Variants in AKAP7 observed in about 807,000 individuals in gnomAD.
AKAP7 encodes A-kinase anchoring protein 7.
Under a neutral mutation model 39.5 loss-of-function variants are expected in AKAP7, and 39 were observed. The ratio of observed to expected loss-of-function variants is 0.99; its 90% CI spans 0.76 to 1.29. AKAP7 has a LOEUF of 1.29. AKAP7 is among the 50% of genes most tolerant of loss of function. AKAP7 has a pLI of 0.00. For synonymous variants in AKAP7, 140 were observed against 139.1 expected, an observed-to-expected ratio of 1.01 and a Z score of -0.05; for missense variants, 414 against 407.7, an observed-to-expected ratio of 1.02 and a Z score of -0.13.
intron 6 of AKAP7, among the ~76,000 whole-genome samples, chr6:131,216,937 C>G (rs979613066): frequency 3.3e-5 from 5 of 152,198 alleles, no homozygotes; most frequent in Non-Finnish European, 7.3e-5. Context: ...ACATATTTTT[C>G]TTCTACATGT....
rs9492867 is a variant in AKAP7 at position 131,218,909 on chromosome 6, T to C, written c.703-752T>C. Among the ~76,000 whole-genome samples the C allele has an allele frequency of 8.2e-3, 1,245 of 152,312 alleles. 14 individuals carry two copies. Among genetic ancestry groups the C allele is most frequent in the African/African-American group, 0.026 (1,093 of 41,560 alleles). ...TTAGGGCATTTTTTCCACTATAAAA[T>C]GTTAAGATCCAACTTACTTTTTAAA... On this transcript the variant is annotated intron_variant, in intron 6 of 7. Coordinates refer to ENST00000431975, the MANE Select transcript of AKAP7 (RefSeq NM_016377.4).
chr6:131,154,575 G>A (rs1480141908), intron 2 of AKAP7, among the ~76,000 whole-genome samples: 1 of 149,982 alleles, frequency 6.7e-6, no homozygotes, highest in Non-Finnish European at 1.5e-5. Flanking sequence ...TTCTTTACTG[G>A]ATTATTTTGA....
intron 7 of AKAP7, among the ~76,000 whole-genome samples, chr6:131,229,685 C>G (rs1215630840): frequency 6.6e-6 from 1 of 152,118 alleles, no homozygotes; most frequent in Non-Finnish European, 1.5e-5. Context: ...CTATCACATT[C>G]TCTGTGAGGT....
In AKAP7 at chr6:131,221,628, A is replaced by G. The variant is rs536136957; in HGVS notation, c.850+1820A>G. Reference sequence around the variant, plus strand: ...CAGGCCGACTCTCTTGTGAGGGGCTAATGCAGCTGGTGACTTTTAAGTTGA... The same window carrying G: ...CAGGCCGACTCTCTTGTGAGGGGCTGATGCAGCTGGTGACTTTTAAGTTGA... On this transcript the variant is annotated intron_variant, in intron 7 of 7. Coordinates refer to ENST00000431975, the MANE Select transcript of AKAP7 (RefSeq NM_016377.4). 3.9e-5 allele frequency among the ~76,000 whole-genome samples: 6 copies of G among 152,340 alleles called. No homozygotes were observed. The East Asian group carries it at 1.2e-3, about 29-fold the overall frequency.
At chr6:131,271,826 A>G (rs947421046) in intron 7 of AKAP7, among the ~76,000 whole-genome samples, 5 of 152,216 alleles carry the variant, frequency 3.3e-5, no homozygotes, top group African/African-American at 4.8e-5. Flanking sequence ...AAGGCCACGA[A>G]TAGGTACATT....
intron 7 of AKAP7, among the ~76,000 whole-genome samples, chr6:131,243,394 C>G (rs1470728566): frequency 6.6e-6 from 1 of 152,146 alleles, no homozygotes; most frequent in Non-Finnish European, 1.5e-5. Context: ...ACAGACTAAT[C>G]AGAATGAATA....
intron 5 of AKAP7, among the ~76,000 whole-genome samples, chr6:131,191,105 A>G (rs1190799): frequency 0.29 from 43,501 of 152,096 alleles, 6,939 homozygotes; most frequent in Non-Finnish European, 0.36. Flanking sequence ...ATATGGGACA[A>G]TTCTGCAAAT....
At chr6:131,223,947 A>G (rs1809929002) in intron 7 of AKAP7, among the ~76,000 whole-genome samples, 1 of 152,070 alleles carries the variant, frequency 6.6e-6, no homozygotes, top group Non-Finnish European at 1.5e-5. Context: ...ATTTCCCCTT[A>G]TGTGAGGTAG....
At chr6:131,161,427 T>C (rs1454171588) in intron 3 of AKAP7, among the ~76,000 whole-genome samples, 2 of 151,880 alleles carry the variant, frequency 1.3e-5, no homozygotes, top group East Asian at 3.9e-4. Context: ...GATGGATCCC[T>C]CGAGCCCAGG....
chr6:131,243,516 A>G lies in AKAP7; in HGVS notation c.850+23708A>G, dbSNP rs1188432856. ...ACAGCATTTTATCTGGTATAAATAAATTTTCTTTTAATTGAGGATTCACTT... is the reference window on the plus strand; with the variant it reads ...ACAGCATTTTATCTGGTATAAATAAGTTTTCTTTTAATTGAGGATTCACTT... On this transcript the variant is annotated intron_variant, in intron 7 of 7. Transcript: ENST00000431975. 1.5e-4 allele frequency among the ~76,000 whole-genome samples: 23 copies of G among 152,148 alleles called. 1 individual carries two copies. Among genetic ancestry groups the G allele is most frequent in the Admixed American group, 1.5e-3 (23 of 15,270 alleles).
intron 2 of AKAP7, among the ~76,000 whole-genome samples, chr6:131,156,741 G>T (rs1042229947): frequency 1.3e-5 from 2 of 151,418 alleles, no homozygotes; most frequent in Non-Finnish European, 2.9e-5. Context: ...AAAAACAATG[G>T]AGAGTTTATA....
intron 1 of AKAP7, among the ~76,000 whole-genome samples, chr6:131,141,218 G>A (rs1356891005): frequency 6.6e-6 from 1 of 152,140 alleles, no homozygotes; most frequent in Non-Finnish European, 1.5e-5. Context: ...GGGTCATGGG[G>A]TGGATCCCTC....
intron 1 of AKAP7, among the ~76,000 whole-genome samples, chr6:131,138,957 AAGAT>A (rs2128223232): frequency 6.6e-6 from 1 of 152,342 alleles, no homozygotes; most frequent in East Asian, 1.9e-4. Flanking sequence ...ATTTATACAA[AAGAT>A]AGAATTTTAA....
At chr6:131,257,669 A>G (rs1812976804) in intron 7 of AKAP7, among the ~76,000 whole-genome samples, 1 of 152,156 alleles carries the variant, frequency 6.6e-6, no homozygotes, top group African/African-American at 2.4e-5. Context: ...GGTTGTGAGC[A>G]GAAAGGCTGT....
Position 131,222,321 on chromosome 6 carries a change from C to T in AKAP7, c.850+2513C>T, listed in dbSNP as rs536592128. Among the ~76,000 whole-genome samples the T allele has an allele frequency of 6.9e-4, 105 of 152,170 alleles. 2 individuals carry two copies. In the South Asian group the frequency reaches 0.019, roughly 28 times the overall value. On this transcript the variant is annotated intron_variant, in intron 7 of 7. Transcript: ENST00000431975. The stretch of plus-strand genomic sequence containing the variant: ...CGGGCGGATCATAAGGTCAGGAGAT[C>T]GAGACCATCCTGGCTAACACCGTGA...
At chr6:131,189,416 T>C (rs746084725) in intron 5 of AKAP7, among the ~76,000 whole-genome samples, 60 of 152,342 alleles carry the variant, frequency 3.9e-4, no homozygotes, top group Middle Eastern at 6.8e-3. Flanking sequence ...TGTGATCGTA[T>C]AAACATCTTT....
chr6:131,242,608 G>T (rs1811712440), intron 7 of AKAP7, among the ~76,000 whole-genome samples: 1 of 151,892 alleles, frequency 6.6e-6, no homozygotes, highest in Non-Finnish European at 1.5e-5. Flanking sequence ...CAGAACACTA[G>T]CAGACACTAG....
Position 131,219,764 on chromosome 6 carries a change from A to C in AKAP7, c.806A>C (p.Lys269Thr). The C allele has an allele frequency of 6.3e-7, 1 of 1,595,084 alleles. No individual in the cohort carries two copies. The highest frequency in any genetic ancestry group is 8.5e-7 in the Non-Finnish European group (1 of 1,171,824). Residue 269 changes from lysine (K) to threonine (T), a missense_variant, in exon 7 of 8, where the codon AAA becomes ACA. Lys to Thr is a moderately conservative substitution (Grantham distance 78, BLOSUM62 -1). Transcript: ENST00000431975. ...GATCTTTGCTCCATGCTGAAGAAAAAACAAAGTAATGGTTATTATCACTGT... is the reference window on the plus strand; with the variant it reads ...GATCTTTGCTCCATGCTGAAGAAAACACAAAGTAATGGTTATTATCACTGT... ...RIDLCSMLKK[K>T]QSNGYYHCES...
chr6:131,238,971 G>C (rs961011420), intron 7 of AKAP7, among the ~76,000 whole-genome samples: 1 of 152,124 alleles, frequency 6.6e-6, no homozygotes, highest in Non-Finnish European at 1.5e-5. Flanking sequence ...TGGTTATTTT[G>C]CTCATTAGTT....
Sources: allele counts gnomAD v4.1 joint callset (sites outside exome capture counted in the v4.1 genomes callset), GRCh38; gene constraint gnomAD v4.1.1; transcripts MANE v1.5; gene names NCBI Gene and HGNC (gene_info 2026-07-23, HGNC 2026-07-21).